CELF2: variants seen among roughly 807,000 people sequenced by gnomAD.
CELF2 encodes the protein CUGBP Elav-like family member 2.
Under a neutral mutation model 62.6 loss-of-function variants are expected in CELF2, and 8 were observed. The observed-to-expected ratio is 0.13, with a 90% confidence interval of 0.07 to 0.23. The LOEUF (loss-of-function observed/expected upper bound fraction) is 0.23. Among genes scored for constraint, CELF2 ranks in the 10% least tolerant of loss-of-function variants. The pLI, the probability that CELF2 is intolerant of heterozygous loss-of-function variation, is 1.00. For missense variants in CELF2, 333 were observed against 671.0 expected (o/e 0.50, Z 5.56); for synonymous variants, 258 against 250.0 (o/e 1.03, Z -0.30).
chr10:11,203,849 C>G (rs986824508), intron 2 of CELF2, among the ~76,000 whole-genome samples: 2 of 152,180 alleles, frequency 1.3e-5, no homozygotes, highest in African/African-American at 4.8e-5. Context: ...CTTATCAAAC[C>G]TAGTGGCCAT....
At chr10:11,245,342 T>C (rs1288159058) in intron 3 of CELF2, among the ~76,000 whole-genome samples, 5 of 152,200 alleles carry the variant, frequency 3.3e-5, no homozygotes, top group African/African-American at 1.2e-4. Flanking sequence ...TGATCAGAAA[T>C]CTGTAACTCA....
the CELF2 span, among the ~76,000 whole-genome samples, chr10:10,737,698 GTTTCCTCACTTGATGGC>G: frequency 6.6e-6 from 1 of 151,704 alleles, no homozygotes; most frequent in African/African-American, 2.4e-5. Context: ...CACCTTCTGG[GTTTCCTCACTTGATGGC>G]ATGCTAGATT....
At chr10:10,479,435 G>A in the CELF2 span, among the ~76,000 whole-genome samples, 2 of 152,166 alleles carry the variant, frequency 1.3e-5, no homozygotes, top group Non-Finnish European at 2.9e-5. Flanking sequence ...CCAAAGTGCT[G>A]GGATTACAGG....
chr10:11,020,362 T>C lies in CELF2; in HGVS notation c.74+2199T>C, dbSNP rs189401352. Among the ~76,000 whole-genome samples the C allele has an allele frequency of 5.3e-5, 8 of 152,362 alleles. No homozygotes were observed. In the East Asian group the frequency reaches 1.5e-3, roughly 29 times the overall value. ...TGTGTCTCCATAGCCCTGAGAACAC[T>C]AGAGCATGCTTTTATATATCGTTCA... On this transcript the variant is annotated intron_variant, in intron 1 of 12. Coordinates refer to ENST00000633077, the MANE Select transcript of CELF2 (RefSeq NM_001326342.2).
At chr10:10,880,914 A>C (rs2061400157) in intron 1 of CELF2, among the ~76,000 whole-genome samples, 1 of 152,174 alleles carries the variant, frequency 6.6e-6, no homozygotes, top group South Asian at 2.1e-4. Flanking sequence ...AGTCTTATGT[A>C]CTCAAAGGAT....
the CELF2 span, among the ~76,000 whole-genome samples, chr10:10,559,224 A>T: frequency 0.037 from 5,611 of 152,264 alleles, 246 homozygotes; most frequent in East Asian, 0.14. Context: ...AGTATTAAGC[A>T]TGTCTGACCT....
chr10:10,786,506 G>T, the CELF2 span: 1 of 151,768 alleles, frequency 6.6e-6, no homozygotes, highest in South Asian at 2.1e-4. Context: ...CCTAGAAAGG[G>T]TTAATTCTTT....
upstream of CELF2, among the ~76,000 whole-genome samples, chr10:11,015,503 A>G (rs1281116447): frequency 6.6e-6 from 1 of 152,204 alleles, no homozygotes; most frequent in African/African-American, 2.4e-5. This position sits in a 1 kb window ranked among gnomAD's most constrained non-coding sequence, Gnocchi z 4.8. Context: ...TTGGCAGCCA[A>G]AGTATTTAAA....
the CELF2 span, among the ~76,000 whole-genome samples, chr10:10,696,888 TC>T: frequency 6.6e-6 from 1 of 152,206 alleles, no homozygotes; most frequent in South Asian, 2.1e-4. Context: ...TGTCTGGCAC[TC>T]CCTAGTGAGA....
At chr10:10,569,849 A>C in the CELF2 span, among the ~76,000 whole-genome samples, 2 of 152,204 alleles carry the variant, frequency 1.3e-5, no homozygotes, top group Non-Finnish European at 2.9e-5. Flanking sequence ...TCTGGACATC[A>C]GGAGAATGTT....
intron 1 of CELF2, among the ~76,000 whole-genome samples, chr10:10,841,355 AAAC>A (rs921495136): frequency 2.0e-5 from 3 of 151,404 alleles, no homozygotes; most frequent in African/African-American, 7.3e-5. Flanking sequence ...CAAAAAAAAA[AAAC>A]CTCTTCATCA....
At position 11,287,076 on chromosome 10, in the gene CELF2, T is replaced by C. The variant is rs7912533; in HGVS notation, c.842-1342T>C. Among the ~76,000 whole-genome samples, 1,177 of 152,252 alleles carry C rather than the reference T, an allele frequency of 7.7e-3. 10 individuals are homozygous for C. Among genetic ancestry groups the C allele is most frequent in the African/African-American group, 0.027 (1,122 of 41,544 alleles). Reference sequence around the variant, plus strand: ...TGGCTGGGGGCTTACACATGTATGTTGCTAGAACATTCTCTCATCCCTCCA... The same window carrying C: ...TGGCTGGGGGCTTACACATGTATGTCGCTAGAACATTCTCTCATCCCTCCA... On this transcript the variant is annotated intron_variant, in intron 8 of 12. Transcript: ENST00000633077.
At chr10:10,483,983 C>A in the CELF2 span, among the ~76,000 whole-genome samples, 3 of 112,730 alleles carry the variant, frequency 2.7e-5, no homozygotes, top group Non-Finnish European at 5.5e-5. Flanking sequence ...CTCTGTCCCT[C>A]CCTCCCTCCC....
the CELF2 span, among the ~76,000 whole-genome samples, chr10:10,465,028 T>C: frequency 2.0e-5 from 3 of 151,808 alleles, no homozygotes; most frequent in Non-Finnish European, 4.4e-5. Context: ...GATTTTCACC[T>C]TCTACTTGCA....
At chr10:10,820,285 G>T (rs1216278980) in intron 1 of CELF2, among the ~76,000 whole-genome samples, 2 of 152,078 alleles carry the variant, frequency 1.3e-5, no homozygotes, top group African/African-American at 4.8e-5. Flanking sequence ...TTTTCTGTGG[G>T]TATCCTGTAG....
the CELF2 span, among the ~76,000 whole-genome samples, chr10:10,724,891 T>A: frequency 3.3e-5 from 5 of 152,264 alleles, no homozygotes; most frequent in Admixed American, 1.3e-4. Context: ...TATTTACAAG[T>A]GATGGCAAAT....
intron 2 of CELF2, among the ~76,000 whole-genome samples, chr10:11,200,572 G>A (rs1478026036): frequency 6.6e-6 from 1 of 152,214 alleles, no homozygotes; most frequent in African/African-American, 2.4e-5. Context: ...CCACTTGCTG[G>A]CTCATGACTT....
chr10:11,018,552 G>A (rs1472153796), intron 1 of CELF2, among the ~76,000 whole-genome samples: 1 of 151,320 alleles, frequency 6.6e-6, no homozygotes, highest in Non-Finnish European at 1.5e-5. Flanking sequence ...GGCGTCCCGG[G>A]GTCCGGGCGG....
intron 2 of CELF2, chr10:10,935,551 C>A (rs990295636): frequency 6.6e-6 from 1 of 152,166 alleles, no homozygotes; most frequent in African/African-American, 2.4e-5. Flanking sequence ...ACGAGGACTT[C>A]ACATTTTGTT....
Sources: allele counts gnomAD v4.1 joint callset (sites outside exome capture counted in the v4.1 genomes callset), GRCh38; gene constraint gnomAD v4.1.1; non-coding constraint Gnocchi (gnomAD v3.1); transcripts MANE v1.5; gene names NCBI Gene and HGNC (gene_info 2026-07-23, HGNC 2026-07-21).